The following EYA1 variants were observed in gnomAD, a reference collection of about 807,000 sequenced individuals.
EYA1 encodes the protein EYA transcriptional coactivator and phosphatase 1, also known as protein phosphatase EYA1.
EYA1 carries 16 observed loss-of-function variants against 82.0 expected under a neutral mutation model. The ratio of observed to expected loss-of-function variants is 0.20; its 90% CI spans 0.13 to 0.30. The LOEUF is 0.30. Among genes scored for constraint, EYA1 ranks in the 10% least tolerant of loss-of-function variants. EYA1 has a pLI of 1.00. For synonymous variants in EYA1, 261 were observed against 264.4 expected (o/e 0.99, Z 0.12); for missense variants, 633 against 730.7 (o/e 0.87, Z 1.54).
Position 71,314,400 on chromosome 8 carries a change from T to C in EYA1, c.556+3152A>G, listed in dbSNP as rs529158973. On this transcript the variant is annotated intron_variant, in intron 7 of 17. Transcript: ENST00000340726. ...TTATATAGCATTATCCATCATCATTTTGGCAAGTTAATTTTCAAATTAATA... is the reference window on the plus strand; with the variant it reads ...TTATATAGCATTATCCATCATCATTCTGGCAAGTTAATTTTCAAATTAATA... 6.6e-5 allele frequency among the ~76,000 whole-genome samples: 10 copies of C among 152,284 alleles called. No homozygotes were observed. The East Asian group carries it at 1.9e-3, about 29-fold the overall frequency.
intron 12 of EYA1, among the ~76,000 whole-genome samples, chr8:71,217,471 C>T (rs1434054590): frequency 6.6e-6 from 1 of 152,186 alleles, no homozygotes; most frequent in African/African-American, 2.4e-5. Flanking sequence ...TGTTGAGCCA[C>T]ACACCAACAC....
chr8:71,363,260 A>G (rs949016250), upstream of EYA1, among the ~76,000 whole-genome samples: 2 of 152,212 alleles, frequency 1.3e-5, no homozygotes, highest in African/African-American at 4.8e-5. Context: ...AACTAATAAA[A>G]CACATAGACA....
intron 4 of EYA1, among the ~76,000 whole-genome samples, chr8:71,326,615 G>A (rs894028536): frequency 1.3e-5 from 2 of 152,182 alleles, no homozygotes; most frequent in Middle Eastern, 3.2e-3. Flanking sequence ...GGATACTAAG[G>A]CAGGCCTGTT....
chr8:71,246,321 T>C (rs896105551), intron 11 of EYA1, among the ~76,000 whole-genome samples: 1 of 152,236 alleles, frequency 6.6e-6, no homozygotes, highest in Non-Finnish European at 1.5e-5. Flanking sequence ...GCAGAGAAAC[T>C]GCCTTCAGGT....
chr8:71,265,901 C>T (rs965833515), intron 11 of EYA1, among the ~76,000 whole-genome samples: 1 of 152,224 alleles, frequency 6.6e-6, no homozygotes, highest in Admixed American at 6.5e-5. Flanking sequence ...CTGTGCCCAG[C>T]ACCCTCTTTT....
chr8:71,202,771 G>A (rs571942383), intron 17 of EYA1, among the ~76,000 whole-genome samples: 3 of 152,204 alleles, frequency 2.0e-5, no homozygotes, highest in African/African-American at 2.4e-5. Flanking sequence ...TAGTGATGTC[G>A]GCTGTAGTTA....
intron 2 of EYA1, among the ~76,000 whole-genome samples, chr8:71,394,504 A>G (rs926888374): frequency 5.9e-5 from 9 of 152,138 alleles, no homozygotes; most frequent in Non-Finnish European, 8.8e-5. Flanking sequence ...TCAGCTTTCT[A>G]CATAGGGCTA....
intron 7 of EYA1, among the ~76,000 whole-genome samples, chr8:71,316,014 CAT>C (rs1405915484): frequency 1.3e-5 from 2 of 151,798 alleles, no homozygotes; most frequent in East Asian, 3.9e-4. Flanking sequence ...CTTAAGGAAA[CAT>C]ATTAATAAGA....
chr8:71,500,905 C>T (rs987518518), intron 2 of EYA1, among the ~76,000 whole-genome samples: 1 of 152,072 alleles, frequency 6.6e-6, no homozygotes, highest in Admixed American at 6.5e-5. Flanking sequence ...TAAGTCAGTC[C>T]CCAACTTAAG....
intron 2 of EYA1, among the ~76,000 whole-genome samples, chr8:71,380,192 G>A (rs1389696516): frequency 6.6e-6 from 1 of 152,016 alleles, no homozygotes; most frequent in Non-Finnish European, 1.5e-5. Context: ...CTTTTTTGTG[G>A]AACATGTGAT....
At chr8:71,412,580 G>A (rs1830665248) in intron 2 of EYA1, among the ~76,000 whole-genome samples, 1 of 152,122 alleles carries the variant, frequency 6.6e-6, no homozygotes, top group African/African-American at 2.4e-5. Context: ...AATACGGGAG[G>A]AGTGGATGGA....
chr8:71,323,725 C>T (rs1822843565), intron 4 of EYA1, among the ~76,000 whole-genome samples: 2 of 152,192 alleles, frequency 1.3e-5, no homozygotes, highest in Admixed American at 6.5e-5. Context: ...AGGTGCTGTG[C>T]TAGATGCTGC....
At chr8:71,464,199 G>T (rs1280595581) in intron 2 of EYA1, among the ~76,000 whole-genome samples, 1 of 152,008 alleles carries the variant, frequency 6.6e-6, no homozygotes, top group African/African-American at 2.4e-5. Context: ...TCTTCAAGGG[G>T]CCCCTTCCCA....
intron 17 of EYA1, among the ~76,000 whole-genome samples, 181 bp downstream of exon 17, chr8:71,210,975 C>G (rs1047706798): frequency 3.9e-5 from 6 of 152,324 alleles, no homozygotes; most frequent in Admixed American, 3.3e-4. Context: ...TTTGTGCACA[C>G]TACTATTCAG....
At chr8:71,479,250 C>T (rs1809915662) in intron 2 of EYA1, among the ~76,000 whole-genome samples, 3 of 152,228 alleles carry the variant, frequency 2.0e-5, no homozygotes, top group South Asian at 4.2e-4. Context: ...GAGAAATTTT[C>T]CCTGGATTTG....
At chr8:71,396,471 CAG>C (rs1360410382) in intron 2 of EYA1, among the ~76,000 whole-genome samples, 2 of 152,140 alleles carry the variant, frequency 1.3e-5, no homozygotes, top group Non-Finnish European at 2.9e-5. Context: ...AAATGTGTCC[CAG>C]AGATTCTGGT....
At chr8:71,485,010 C>A (rs900528961) in intron 2 of EYA1, among the ~76,000 whole-genome samples, 4 of 152,208 alleles carry the variant, frequency 2.6e-5, no homozygotes, top group Admixed American at 2.6e-4. Context: ...CCCTAAACAG[C>A]CTCATGGTTA....
At chr8:71,517,147 G>C (rs1175142940) in intron 2 of EYA1, among the ~76,000 whole-genome samples, 1 of 151,502 alleles carries the variant, frequency 6.6e-6, no homozygotes, top group Non-Finnish European at 1.5e-5. Flanking sequence ...CCCTTCTTAA[G>C]TCACCTCACA....
intron 12 of EYA1, among the ~76,000 whole-genome samples, chr8:71,235,955 C>T (rs1811777572): frequency 1.3e-5 from 2 of 152,162 alleles, no homozygotes; most frequent in Admixed American, 1.3e-4. Context: ...CACTTTTAAA[C>T]TTGAAAATAT....
Sources: allele counts gnomAD v4.1 joint callset (sites outside exome capture counted in the v4.1 genomes callset), GRCh38; gene constraint gnomAD v4.1.1; transcripts MANE v1.5; gene names NCBI Gene and HGNC (gene_info 2026-07-23, HGNC 2026-07-21).